DCLK1: variants seen among roughly 807,000 people sequenced by gnomAD.
DCLK1 encodes doublecortin like kinase 1.
In DCLK1, 16 loss-of-function variants were observed where a neutral mutation model predicts 86.2. That is an observed-to-expected ratio of 0.19 (90% confidence interval 0.13 to 0.28). DCLK1 has a LOEUF of 0.28. Among genes scored for constraint, DCLK1 ranks in the 10% least tolerant of loss-of-function variants. The pLI, the probability that DCLK1 is intolerant of heterozygous loss-of-function variation, is 1.00. For missense variants in DCLK1, 590 were observed against 940.2 expected, an observed-to-expected ratio of 0.63 and a Z score of 4.87; for synonymous variants, 369 against 370.5, an observed-to-expected ratio of 1.00 and a Z score of 0.05.
At chr13:35,820,155 C>T (rs1324567115) in intron 11 of DCLK1, among the ~76,000 whole-genome samples, 1 of 152,176 alleles carries the variant, frequency 6.6e-6, no homozygotes. Context: ...TTTTGTTAAA[C>T]CAGGACAGAA....
chr13:35,894,651 G>A (rs9593547), intron 4 of DCLK1, among the ~76,000 whole-genome samples: 2,898 of 152,266 alleles, frequency 0.019, 105 homozygotes, highest in African/African-American at 0.066. Flanking sequence ...GGTGCTCAGC[G>A]GAGGGGTGGG....
intron 3 of DCLK1, among the ~76,000 whole-genome samples, chr13:36,001,630 A>G (rs1880726779): frequency 6.6e-6 from 1 of 152,198 alleles, no homozygotes; most frequent in African/African-American, 2.4e-5. Context: ...GATGTGTGGC[A>G]TGGAATATGA....
chr13:36,061,693 G>A (rs368104199), intron 3 of DCLK1, among the ~76,000 whole-genome samples: 89 of 152,260 alleles, frequency 5.8e-4, no homozygotes, highest in African/African-American at 2.0e-3. Context: ...GTGAAATGAC[G>A]AAGTGTGAAT....
intron 3 of DCLK1, among the ~76,000 whole-genome samples, chr13:36,038,701 T>A (rs1299369192): frequency 6.6e-6 from 1 of 152,200 alleles, no homozygotes; most frequent in Non-Finnish European, 1.5e-5. Flanking sequence ...ATGCTTAATA[T>A]CTATTTAATT....
At chr13:35,879,202 GA>G (rs1418338086) in intron 4 of DCLK1, among the ~76,000 whole-genome samples, 7 of 152,172 alleles carry the variant, frequency 4.6e-5, no homozygotes, top group African/African-American at 1.7e-4. Context: ...CGGAAACTAA[GA>G]TTTTAAAAGT....
intron 5 of DCLK1, among the ~76,000 whole-genome samples, chr13:35,866,089 T>A (rs1871768156): frequency 1.3e-5 from 2 of 152,094 alleles, no homozygotes. Context: ...CAGCCCCGAG[T>A]TGCCATTCTG....
rs553270143 is a variant in DCLK1 at position 35,788,430 on chromosome 13, C to T, written c.2058+4936G>A. On this transcript the variant is annotated intron_variant, in intron 16 of 16. Transcript: ENST00000360631. The stretch of plus-strand genomic sequence containing the variant: ...AGGGTAACTAGCTAATATCCTAAGT[C>T]TGCATACTGACAACAAAAAGGCAGG... 1,345 of 721,312 alleles carry T rather than the reference C, an allele frequency of 1.9e-3. 1 individual carries two copies. Among genetic ancestry groups the T allele is most frequent in the Non-Finnish European group, 2.6e-3 (1,142 of 433,056 alleles). 44.7% of individuals were successfully genotyped at this position (721,312 alleles called of 1,614,324 possible).
chr13:36,060,503 G>A (rs948974230), intron 3 of DCLK1, among the ~76,000 whole-genome samples: 4 of 152,004 alleles, frequency 2.6e-5, no homozygotes, highest in African/African-American at 7.2e-5. Context: ...CAGACATTCC[G>A]TATTATACTT....
At chr13:36,092,575 C>T (rs1335715073) in intron 3 of DCLK1, among the ~76,000 whole-genome samples, 1 of 147,006 alleles carries the variant, frequency 6.8e-6, no homozygotes, top group Non-Finnish European at 1.5e-5. Flanking sequence ...CAAGCTCCGC[C>T]TCCCGGGTTC....
chr13:36,083,419 T>A (rs750015706), intron 3 of DCLK1, among the ~76,000 whole-genome samples: 5 of 152,240 alleles, frequency 3.3e-5, no homozygotes, highest in Non-Finnish European at 7.3e-5. Context: ...CTTTGGTAGA[T>A]CAGCCTGTCG....
At chr13:35,795,944 A>C (rs1192527202) in intron 15 of DCLK1, among the ~76,000 whole-genome samples, 2 of 149,730 alleles carry the variant, frequency 1.3e-5, no homozygotes, top group Non-Finnish European at 3.0e-5. Flanking sequence ...AAAAAAAAAA[A>C]CCAACAACAA....
intron 3 of DCLK1, among the ~76,000 whole-genome samples, chr13:35,958,186 C>CCAT (rs1878199832): frequency 1.4e-5 from 2 of 147,122 alleles, no homozygotes; most frequent in Non-Finnish European, 3.0e-5. Context: ...ACTATAACCA[C>CCAT]CACTACCACC....
At chr13:36,077,983 C>A (rs1361140472) in intron 3 of DCLK1, among the ~76,000 whole-genome samples, 1 of 152,160 alleles carries the variant, frequency 6.6e-6, no homozygotes, top group Admixed American at 6.5e-5. Flanking sequence ...GTCCTCTGGA[C>A]TGAATATCTG....
intron 3 of DCLK1, among the ~76,000 whole-genome samples, chr13:36,106,903 T>C (rs973883734): frequency 3.9e-5 from 6 of 152,046 alleles, no homozygotes; most frequent in African/African-American, 1.4e-4. Flanking sequence ...AACCCAAGAG[T>C]CGACCAAATT....
At chr13:35,982,433 G>GGGAGGGA (rs1566631734) in intron 3 of DCLK1, among the ~76,000 whole-genome samples, 5 of 21,708 alleles carry the variant, frequency 2.3e-4, no homozygotes, top group South Asian at 3.1e-3. Flanking sequence ...AGAGAGAGAG[G>GGGAGGGA]GGGAGGGAGG....
intron 15 of DCLK1, among the ~76,000 whole-genome samples, chr13:35,798,274 G>A (rs9593438): frequency 0.052 from 7,897 of 152,150 alleles, 702 homozygotes; most frequent in African/African-American, 0.18. Flanking sequence ...AGAATTCCTC[G>A]CTTTCCTCTG....
chr13:35,993,790 T>C (rs1156581161), intron 3 of DCLK1, among the ~76,000 whole-genome samples: 1 of 151,588 alleles, frequency 6.6e-6, no homozygotes, highest in Non-Finnish European at 1.5e-5. Context: ...ACCTATCATA[T>C]GGTGCTTCAG....
intron 16 of DCLK1, among the ~76,000 whole-genome samples, chr13:35,778,089 T>C (rs1351436355): frequency 6.6e-6 from 1 of 152,172 alleles, no homozygotes; most frequent in African/African-American, 2.4e-5. Context: ...ATAATGGAAG[T>C]GATCTGTTTC....
At chr13:35,804,679 G>A (rs889114566) in intron 15 of DCLK1, among the ~76,000 whole-genome samples, 33 of 151,014 alleles carry the variant, frequency 2.2e-4, no homozygotes, top group African/African-American at 7.8e-4. Context: ...GCGATCTGCC[G>A]GCCTCAGCCT....
Sources: gnomAD v4.1 joint callset for allele counts (sites outside exome capture counted in the v4.1 genomes callset) on GRCh38, gnomAD v4.1.1 for gene constraint, MANE v1.5 for transcripts, NCBI Gene and HGNC (gene_info 2026-07-23, HGNC 2026-07-21) for gene names.